ROBO3: variants seen among roughly 807,000 people sequenced by gnomAD.
ROBO3 encodes the protein roundabout homolog 3.
Under a neutral mutation model 160.5 loss-of-function variants are expected in ROBO3, and 97 were observed. That is an observed-to-expected ratio of 0.60 (90% CI 0.51 to 0.72). The LOEUF is 0.72. Among genes scored for constraint, ROBO3 ranks in the 30% least tolerant of loss-of-function variants. The pLI is 0.00. For missense variants in ROBO3, 1,858 were observed against 1,846.5 expected (o/e 1.01, Z -0.11); for synonymous variants, 780 against 746.2 (o/e 1.05, Z -0.74).
At chr11:124,868,778 C>G in intron 1 of ROBO3, 24 bp from the exon 2 acceptor site, 2 of 1,589,548 alleles carry the variant, frequency 1.3e-6, no homozygotes, top group South Asian at 2.3e-5. Context: ...TGTCTGAACG[C>G]TCTGCGCCAC....
At position 124,869,231 on chromosome 11, in the gene ROBO3, A is replaced by G. The variant is rs888114149; in HGVS notation, c.487+103A>G. ...AACCAGCCCCAAAGGACTTCAGCCCACTCAGCATCCTTCTTTGGGACCGCG... is the reference window on the plus strand; with the variant it reads ...AACCAGCCCCAAAGGACTTCAGCCCGCTCAGCATCCTTCTTTGGGACCGCG... On this transcript the variant is annotated intron_variant, in intron 2 of 27. Transcript: ENST00000397801. This position sits in a 1 kb window ranked among gnomAD's most constrained non-coding sequence, Gnocchi z 4.2. 3.1e-6 allele frequency: 4 copies of G among 1,296,090 alleles called. No homozygotes were observed. The highest frequency in any genetic ancestry group is 2.8e-5 in the South Asian group (2 of 70,960). 80.3% of individuals were successfully genotyped at this position (1,296,090 alleles called of 1,614,324 possible). A position where few individuals can be genotyped will look rare whatever the true frequency, so the allele number is the denominator to read the frequency against.
In ROBO3 at chr11:124,871,277, G is replaced by A. The variant is rs190037311; in HGVS notation, c.1158+139G>A. The stretch of plus-strand genomic sequence containing the variant: ...CCAGAAACCCTTGCAGGTTATTTGA[G>A]AGGATTAAGTAAGATAATGAATATA... On this transcript the variant is annotated intron_variant, in intron 7 of 27. Transcript: ENST00000397801. The A allele has an allele frequency of 2.9e-4, 297 of 1,024,588 alleles. No homozygotes were observed. In the African/African-American group the frequency reaches 4.2e-3, roughly 15 times the overall value. 63.5% of individuals were successfully genotyped at this position (1,024,588 alleles called of 1,614,324 possible). A position where few individuals can be genotyped will look rare whatever the true frequency, so the allele number is the denominator to read the frequency against.
In ROBO3 at chr11:124,875,864, T is replaced by C. The variant is rs1328932275; in HGVS notation, c.2422-90T>C. 4.0e-6 allele frequency: 6 copies of C among 1,492,642 alleles called. No homozygotes were observed. In the African/African-American group the frequency reaches 4.2e-5, roughly 10 times the overall value. The allele number at this position is 1,492,642 out of a possible 1,614,324, so 92.5% of individuals were successfully genotyped here. Reference sequence around the variant, plus strand: ...GTTTCCAGGTTGAATTACATCTGTATAAGGCTTCTCTACCATTTGGAGCCT... The same window carrying C: ...GTTTCCAGGTTGAATTACATCTGTACAAGGCTTCTCTACCATTTGGAGCCT... On this transcript the variant is annotated intron_variant, in intron 15 of 27. Coordinates refer to ENST00000397801, the MANE Select transcript of ROBO3 (RefSeq NM_022370.4).
intron 11 of ROBO3, 52 bp from the exon 12 acceptor site, chr11:124,874,018 C>T (rs1014234810): frequency 1.2e-6 from 2 of 1,606,412 alleles, no homozygotes; most frequent in Non-Finnish European, 1.7e-6. Flanking sequence ...ATGGAGTAGG[C>T]AGGTTGGGAG....
At chr11:124,877,821 A>G in intron 20 of ROBO3, 116 bp from the exon 21 acceptor site, 1 of 1,177,476 alleles carries the variant, frequency 8.5e-7, no homozygotes, top group Non-Finnish European at 1.2e-6. Context: ...CTGGTTTAGG[A>G]TGTAAGGCTT....
At position 124,868,831 on chromosome 11, in the gene ROBO3, C is replaced by G; in HGVS notation, c.190C>G (p.Pro64Ala). The G allele has an allele frequency of 6.2e-7, 1 of 1,609,826 alleles. No individual in the cohort carries two copies. The highest frequency in any genetic ancestry group is 8.5e-7 in the Non-Finnish European group (1 of 1,178,608). Residue 64 changes from proline to alanine, a missense_variant, in exon 2 of 28, where the codon CCC (proline) becomes GCC (alanine). Pro to Ala is a conservative substitution (Grantham distance 27). Transcript: ENST00000397801. Reference protein sequence around the residue: ...GSRVGPEDAMPRIVEQPPDLL... With the variant: ...GSRVGPEDAMARIVEQPPDLL... ...AAGGGTAGGACCGGAGGACGCTATG[C>G]CCCGCATCGTGGAGCAGCCGCCAGA... is the stretch of plus-strand genomic sequence containing the variant.
chr11:124,878,803 AG>A lies in ROBO3; in HGVS notation c.3533+9del. 6.2e-7 allele frequency: 1 copy of A among 1,606,528 alleles called. No individual in the cohort carries two copies. Among genetic ancestry groups the A allele is most frequent in the Non-Finnish European group, 8.5e-7 (1 of 1,175,478 alleles). On this transcript the variant is annotated splice_region_variant and intron_variant, in intron 23 of 27. Coordinates refer to ENST00000397801, the MANE Select transcript of ROBO3 (RefSeq NM_022370.4). This position sits in a 1 kb window ranked among gnomAD's most constrained non-coding sequence, Gnocchi z 4.3. ...ATCTCCATCAGATGCCCAGGTAGGG[AG>A]GTATATAGTACCTCACTCATTGCAA...
chr11:124,872,634 A>G lies in ROBO3; in HGVS notation c.1330+82A>G. On this transcript the variant is annotated intron_variant, in intron 8 of 27. Transcript: ENST00000397801. This position sits in a 1 kb window ranked among gnomAD's most constrained non-coding sequence, Gnocchi z 4.3. ...AAGTGATGTGTTTCTCTTGGAGTCT[A>G]TATACTATGTCTGCAAGAGGAGAGA... 1 of 1,370,956 alleles carries G rather than the reference A, an allele frequency of 7.3e-7. No individual in the cohort carries two copies. The highest frequency in any genetic ancestry group is 1.0e-6 in the Non-Finnish European group (1 of 999,338). The allele number at this position is 1,370,956 out of a possible 1,614,324, so 84.9% of individuals were successfully genotyped here. A position where few individuals can be genotyped will look rare whatever the true frequency, so the allele number is the denominator to read the frequency against.
intron 12 of ROBO3, 26 bp downstream of exon 12, chr11:124,874,262 G>T: frequency 6.3e-7 from 1 of 1,595,144 alleles, no homozygotes; most frequent in Non-Finnish European, 8.6e-7. Context: ...CTGGGCTCAT[G>T]AGCATGAAAT....
chr11:124,874,022 T>C (rs377367601), intron 11 of ROBO3, 48 bp from the exon 12 acceptor site: 196 of 1,609,816 alleles, frequency 1.2e-4, no homozygotes, highest in Middle Eastern at 1.2e-3. Flanking sequence ...AGTAGGCAGG[T>C]TGGGAGTTCC....
intron 27 of ROBO3, among the ~76,000 whole-genome samples, 175 bp from the exon 28 acceptor site, chr11:124,881,064 A>G (rs1946569855): frequency 6.6e-6 from 1 of 152,074 alleles, no homozygotes; most frequent in African/African-American, 2.4e-5. Flanking sequence ...AAACAAACAA[A>G]CAGACAAACA....
chr11:124,866,234 G>T (rs1946194534), intron 1 of ROBO3, among the ~76,000 whole-genome samples: 1 of 152,216 alleles, frequency 6.6e-6, no homozygotes, highest in Non-Finnish European at 1.5e-5. Context: ...AGGGGATAGG[G>T]GCGGCGATCA....
In ROBO3 at chr11:124,865,858, G is replaced by C. The variant is rs967517257; in HGVS notation, c.160+121G>C. 2.6e-6 allele frequency: 3 copies of C among 1,152,876 alleles called. No individual in the cohort carries two copies. In the African/African-American group the frequency reaches 4.7e-5, roughly 18 times the overall value. The allele number at this position is 1,152,876 out of a possible 1,614,324, so 71.4% of individuals were successfully genotyped here. A position where few individuals can be genotyped will look rare whatever the true frequency, so the allele number is the denominator to read the frequency against. ...CCGGGATTGAGTGGCGCCTCCCAGCGCCTCCCTGGGTCGTGGGGTCTAAGG... is the reference window on the plus strand; with the variant it reads ...CCGGGATTGAGTGGCGCCTCCCAGCCCCTCCCTGGGTCGTGGGGTCTAAGG... On this transcript the variant is annotated intron_variant, in intron 1 of 27. Transcript: ENST00000397801. This position sits in a 1 kb window ranked among gnomAD's most constrained non-coding sequence, Gnocchi z 5.5.
intron 23 of ROBO3, 33 bp from the exon 24 acceptor site, chr11:124,879,157 G>A: frequency 6.5e-7 from 1 of 1,542,208 alleles, no homozygotes; most frequent in Non-Finnish European, 8.8e-7. Context: ...TTTTTGTGGA[G>A]GGAACAGAGG....
Position 124,880,468 on chromosome 11 carries a change from G to C in ROBO3, c.4009G>C (p.Gly1337Arg). 2 of 1,610,744 alleles carry C rather than the reference G, an allele frequency of 1.2e-6. No homozygotes were observed. Among genetic ancestry groups the C allele is most frequent in the Non-Finnish European group, 1.7e-6 (2 of 1,178,612 alleles). ...ACCAAGCTTCCTGTCCCGGGGCCAG[G>C]GCACCAGCACATGTTCCACGGCCGG... ...SRPSFLSRGQGTSTCSTAGSN... is the reference protein window; with the variant it reads ...SRPSFLSRGQRTSTCSTAGSN... The change falls in exon 27 of 28, where the codon GGC becomes CGC. Residue 1337 changes from glycine (G) to arginine (R), a missense_variant. Gly to Arg is a moderately radical substitution (Grantham distance 125). Transcript: ENST00000397801.
rs1946372187 is a variant in ROBO3, at chr11:124,876,370, A to G, written c.2689A>G (p.Ser897Gly). The G allele has an allele frequency of 6.9e-7, 1 of 1,439,234 alleles. No individual in the cohort carries two copies. Among genetic ancestry groups the G allele is most frequent in the Non-Finnish European group, 9.1e-7 (1 of 1,104,610 alleles). The allele number at this position is 1,439,234 out of a possible 1,614,324, so 89.2% of individuals were successfully genotyped here. ...GCGGGAGCCCGCCTTCCTCGCGGGC[A>G]GCGGCGCAGCCTGCGGGGCGCTGCT... The part of the protein sequence containing the change: ...VLREPAFLAG[S>G]GAACGALLLG... The change falls in exon 17 of 28, where the codon AGC becomes GGC. Residue 897 changes from serine to glycine, a missense_variant. Ser to Gly is a moderately conservative substitution (Grantham distance 56). Transcript: ENST00000397801. This position sits in a 1 kb window ranked among gnomAD's most constrained non-coding sequence, Gnocchi z 5.3.
rs529793516 is a variant in ROBO3, at chr11:124,880,608, G to A, written c.4149G>A (p.Glu1383=). The change falls in exon 27 of 28, where the codon GAG becomes GAA. Residue 1383 remains glutamate (E), a splice_region_variant and synonymous_variant. Transcript: ENST00000397801. The part of the protein sequence containing the change: ...QSQRPGQKRR[E]EPR ...AAAGGCCAGGACAGAAACGCCGAGA[G>A]GTAGGGGCCATAGATTGCAGAAAAA... is the stretch of plus-strand genomic sequence containing the variant. The A allele has an allele frequency of 7.8e-6, 12 of 1,539,418 alleles. No individual in the cohort carries two copies. The highest frequency in any genetic ancestry group is 2.0e-5 in the Admixed American group (1 of 49,710).
In ROBO3 at chr11:124,868,893, C is replaced by T; in HGVS notation, c.252C>T (p.Pro84=). ...CCCGAGGCGAGCCCGCCACGTTGCC[C>T]TGCCGCGCTGAAGGCCGACCCCGAC... is the stretch of plus-strand genomic sequence containing the variant. ...LVSRGEPATL[P]CRAEGRPRPN... Residue 84 remains proline (P), a synonymous_variant, in exon 2 of 28, where the codon CCC becomes CCT. Transcript: ENST00000397801. 6.2e-7 allele frequency: 1 copy of T among 1,608,244 alleles called. No individual in the cohort carries two copies. The highest frequency in any genetic ancestry group is 8.5e-7 in the Non-Finnish European group (1 of 1,177,962).
At chr11:124,875,900 G>A (rs1946354599) in intron 15 of ROBO3, 54 bp from the exon 16 acceptor site, 1 of 1,556,318 alleles carries the variant, frequency 6.4e-7, no homozygotes, top group Non-Finnish European at 8.7e-7. Context: ...TAAGTTTCCC[G>A]GTGAGGCTAA....
Sources: allele counts gnomAD v4.1 joint callset (sites outside exome capture counted in the v4.1 genomes callset), GRCh38; gene constraint gnomAD v4.1.1; non-coding constraint Gnocchi (gnomAD v3.1); transcripts MANE v1.5; gene names NCBI Gene and HGNC (gene_info 2026-07-23, HGNC 2026-07-21).